CHCHD6: variants seen among roughly 807,000 people sequenced by gnomAD.
The protein encoded by CHCHD6 is coiled-coil-helix-coiled-coil-helix domain containing 6.
In CHCHD6, 28 loss-of-function variants were observed where a neutral mutation model predicts 32.3. The observed-to-expected ratio is 0.87, with a 90% CI of 0.64 to 1.19. The LOEUF (loss-of-function observed/expected upper bound fraction) is 1.19, where lower values mean the gene tolerates loss of function less well. Among genes scored for constraint, CHCHD6 ranks in the 50% most tolerant of loss-of-function variants. The pLI is 0.00. For missense variants in CHCHD6, 333 were observed against 307.0 expected, an observed-to-expected ratio of 1.08 and a Z score of -0.63; for synonymous variants, 122 against 117.5, an observed-to-expected ratio of 1.04 and a Z score of -0.25.
intron 5 of CHCHD6, among the ~76,000 whole-genome samples, chr3:126,906,536 A>C (rs1383494471): frequency 6.6e-6 from 1 of 152,188 alleles, no homozygotes; most frequent in East Asian, 1.9e-4. Flanking sequence ...CGCCGGGTGT[A>C]GTCTCATCCC....
intron 5 of CHCHD6, among the ~76,000 whole-genome samples, chr3:126,903,983 A>G (rs930022310): frequency 2.6e-5 from 4 of 152,246 alleles, no homozygotes. Flanking sequence ...TTCACGTACC[A>G]TAGCATAATT....
chr3:126,730,249 A>T (rs972603480), intron 2 of CHCHD6, among the ~76,000 whole-genome samples: 1 of 152,108 alleles, frequency 6.6e-6, no homozygotes, highest in African/African-American at 2.4e-5. Flanking sequence ...TGCTTAGGAG[A>T]TGACCTGGAT....
intron 4 of CHCHD6, among the ~76,000 whole-genome samples, chr3:126,754,963 T>C (rs893023306): frequency 9.2e-5 from 14 of 152,112 alleles, no homozygotes; most frequent in East Asian, 1.9e-4. Context: ...CATCTTCCCA[T>C]TGGGGGCAAT....
Position 126,764,703 on chromosome 3 carries a change from C to T in CHCHD6, c.411+31481C>T, listed in dbSNP as rs1342682059. On this transcript the variant is annotated intron_variant, in intron 4 of 7. Transcript: ENST00000290913. ...GGGTGACCACAACTCAAAGGAGAGA[C>T]GTCAAGGATTCCAGGAGCACAGATG... is the stretch of plus-strand genomic sequence containing the variant. Among the ~76,000 whole-genome samples the T allele has an allele frequency of 1.3e-5, 2 of 152,134 alleles. 1 individual carries two copies. The highest frequency in any genetic ancestry group is 2.9e-5 in the Non-Finnish European group (2 of 68,034).
chr3:126,710,908 A>G (rs1934720428), intron 1 of CHCHD6, among the ~76,000 whole-genome samples: 1 of 151,930 alleles, frequency 6.6e-6, no homozygotes, highest in Non-Finnish European at 1.5e-5. Flanking sequence ...TCCAGTCTGG[A>G]TGCCCTTCTT....
chr3:126,933,558 G>A (rs975074545), intron 6 of CHCHD6, among the ~76,000 whole-genome samples: 1 of 152,174 alleles, frequency 6.6e-6, no homozygotes, highest in African/African-American at 2.4e-5. Flanking sequence ...AGGAGCCGGT[G>A]TGTCACCTGG....
chr3:126,911,051 CATT>C, intron 5 of CHCHD6, among the ~76,000 whole-genome samples: 1 of 152,262 alleles, frequency 6.6e-6, no homozygotes, highest in East Asian at 1.9e-4. Context: ...TTTTCAAAAA[CATT>C]GTTTAGTGTA....
rs2078843553 is a variant in CHCHD6, at chr3:126,960,382, A to G, written c.*181A>G. The G allele has an allele frequency of 1.5e-6, 1 of 683,844 alleles. No homozygotes were observed. The highest frequency in any genetic ancestry group is 1.8e-5 in the South Asian group (1 of 56,870). The allele number at this position is 683,844 out of a possible 1,614,324, so 42.4% of individuals were successfully genotyped here. A position where few individuals can be genotyped will look rare whatever the true frequency, so the allele number is the denominator to read the frequency against. On this transcript the variant is annotated 3_prime_UTR_variant, in exon 8 of 8. Transcript: ENST00000290913. ...GCTACTGTCTGAAAACAAATAAAGCAGATGCCTTTGTTTTCAGTCGTTGAC... is the reference window on the plus strand; with the variant it reads ...GCTACTGTCTGAAAACAAATAAAGCGGATGCCTTTGTTTTCAGTCGTTGAC...
chr3:126,711,723 G>T (rs961394337), intron 1 of CHCHD6, among the ~76,000 whole-genome samples: 2 of 152,186 alleles, frequency 1.3e-5, no homozygotes, highest in African/African-American at 2.4e-5. Context: ...ATCGTCTCTG[G>T]TCTTCCACAG....
intron 3 of CHCHD6, 96 bp from the exon 4 acceptor site, chr3:126,732,982 C>T (rs1935877606): frequency 2.2e-6 from 3 of 1,385,458 alleles, no homozygotes; most frequent in Admixed American, 1.8e-5. Context: ...TTCAGCATTT[C>T]CCTGGTGGCT....
At chr3:126,779,287 C>T (rs770776347) in intron 4 of CHCHD6, among the ~76,000 whole-genome samples, 15 of 152,004 alleles carry the variant, frequency 9.9e-5, no homozygotes, top group East Asian at 1.9e-4. Flanking sequence ...GCCTGTAATC[C>T]GAGCACTTTG....
intron 7 of CHCHD6, chr3:126,957,757 A>G (rs1256786261): frequency 1.5e-6 from 1 of 654,154 alleles, no homozygotes; most frequent in African/African-American, 1.8e-5. Flanking sequence ...CGCCTTGGAC[A>G]TCTGGCCCCA....
At chr3:126,760,993 C>G (rs1466585479) in intron 4 of CHCHD6, among the ~76,000 whole-genome samples, 1 of 152,162 alleles carries the variant, frequency 6.6e-6, no homozygotes. Context: ...ACCACCATGC[C>G]CATCTAATAA....
chr3:126,773,385 C>T (rs1303158316), intron 4 of CHCHD6, among the ~76,000 whole-genome samples: 5 of 152,136 alleles, frequency 3.3e-5, no homozygotes, highest in South Asian at 2.1e-4. Flanking sequence ...TAATACCTGC[C>T]GTGCTCCCTG....
intron 1 of CHCHD6, among the ~76,000 whole-genome samples, chr3:126,724,452 T>G (rs1185646268): frequency 6.6e-6 from 1 of 152,222 alleles, no homozygotes; most frequent in Non-Finnish European, 1.5e-5. Flanking sequence ...TTAGAAATAC[T>G]TTATTGGCAA....
At chr3:126,845,931 G>T (rs1002597597) in intron 4 of CHCHD6, among the ~76,000 whole-genome samples, 1 of 152,142 alleles carries the variant, frequency 6.6e-6, no homozygotes, top group Non-Finnish European at 1.5e-5. Context: ...TTGATCAAAG[G>T]CTTGCAGCAA....
Position 126,770,612 on chromosome 3 carries a change from A to G in CHCHD6, c.411+37390A>G, listed in dbSNP as rs549168481. On this transcript the variant is annotated intron_variant, in intron 4 of 7. Coordinates refer to ENST00000290913, the MANE Select transcript of CHCHD6 (RefSeq NM_032343.3). ...TGTGGTTTTGTTTTTAGTTCAGTGA[A>G]TGGGTTGAACCACATTTATTGATAT... Among the ~76,000 whole-genome samples, 5 of 152,304 alleles carry G rather than the reference A, an allele frequency of 3.3e-5. No homozygotes were observed. In the South Asian group the frequency reaches 1.0e-3, roughly 32 times the overall value.
rs191522434 is a variant in CHCHD6, at chr3:126,867,520, T to C, written c.495+14790T>C. ...CTGCTGGAAAAGACTGTTAAACAGA[T>C]AATTTTAATGAAATGGGTACTCTAA... On this transcript the variant is annotated intron_variant, in intron 5 of 7. Transcript: ENST00000290913. Among the ~76,000 whole-genome samples the C allele has an allele frequency of 2.2e-3, 329 of 152,366 alleles. 7 individuals carry two copies. Among genetic ancestry groups the C allele is most frequent in the Non-Finnish European group, 7.1e-4 (48 of 68,032 alleles).
At chr3:126,734,660 C>G (rs1209362642) in intron 4 of CHCHD6, among the ~76,000 whole-genome samples, 1 of 152,142 alleles carries the variant, frequency 6.6e-6, no homozygotes, top group African/African-American at 2.4e-5. Context: ...AGATTGGTTA[C>G]AGTAGTTGTT....
Sources: allele counts gnomAD v4.1 joint callset (sites outside exome capture counted in the v4.1 genomes callset), GRCh38; gene constraint gnomAD v4.1.1; transcripts MANE v1.5; gene names NCBI Gene and HGNC (gene_info 2026-07-23, HGNC 2026-07-21).